PPFIA4: variants seen among roughly 807,000 people sequenced by gnomAD.
PPFIA4 encodes PPFI scaffold protein A4.
In PPFIA4, 98 loss-of-function variants were observed where a neutral mutation model predicts 145.7. That is an observed-to-expected ratio of 0.67 (90% CI 0.57 to 0.80). PPFIA4 has a LOEUF of 0.80. PPFIA4 is among the 30% of genes least tolerant of loss of function. The pLI is 0.00. For missense variants in PPFIA4, 1,457 were observed against 1,632.7 expected, an observed-to-expected ratio of 0.89 and a Z score of 1.85; for synonymous variants, 628 against 649.6, an observed-to-expected ratio of 0.97 and a Z score of 0.51.
rs752641400 is a variant in PPFIA4, at chr1:203,053,755, C to T, written c.1623C>T (p.Asp541=). 1.5e-5 allele frequency: 24 copies of T among 1,550,232 alleles called. No individual in the cohort carries two copies. The highest frequency in any genetic ancestry group is 1.5e-4 in the South Asian group (13 of 84,008). ...CTTTACCCTCCTCCTTTGCTAAGGA[C>T]TGGGAGACTTCTCCACTGCCTGGGA... The part of the protein sequence containing the change: ...YSALREESAK[D]WETSPLPGML... The change falls in exon 15 of 30, where the codon GAC becomes GAT. Residue 541 remains aspartate, a splice_region_variant and synonymous_variant. Transcript: ENST00000295706.
In PPFIA4 at chr1:203,055,718, C is replaced by T. The variant is rs1205924953; in HGVS notation, c.2070+46C>T. On this transcript the variant is annotated intron_variant, in intron 16 of 29. Transcript: ENST00000295706. This position sits in a 1 kb window ranked among gnomAD's most constrained non-coding sequence, Gnocchi z 4.8. ...AGGCCTGGCATCACTGGACCCTGCA[C>T]CGGGGGAGGTTTTAAGGGATGGTAG... is the stretch of plus-strand genomic sequence containing the variant. 2.5e-6 allele frequency: 4 copies of T among 1,606,364 alleles called. No homozygotes were observed. The highest frequency in any genetic ancestry group is 3.4e-6 in the Non-Finnish European group (4 of 1,174,366).
chr1:203,064,010 G>A lies in PPFIA4; in HGVS notation c.3050+7G>A, dbSNP rs746099836. On this transcript the variant is annotated splice_region_variant and intron_variant, in intron 25 of 29. Coordinates refer to ENST00000295706, the MANE Select transcript of PPFIA4 (RefSeq NM_001304331.2). The stretch of plus-strand genomic sequence containing the variant: ...TGGTGGACAGCTTCCATCGGTGAGC[G>A]CGGCTGGGACCCAGGGCCACCTCCC... 3.2e-5 allele frequency: 52 copies of A among 1,608,386 alleles called. No homozygotes were observed. Among genetic ancestry groups the A allele is most frequent in the South Asian group, 2.4e-4 (22 of 90,934 alleles).
Position 203,044,008 on chromosome 1 carries a change from C to G in PPFIA4, c.414C>G (p.Ala138=), listed in dbSNP as rs753407552. The G allele has an allele frequency of 6.2e-7, 1 of 1,612,048 alleles. No homozygotes were observed. The highest frequency in any genetic ancestry group is 2.2e-5 in the East Asian group (1 of 44,834). Residue 138 remains alanine (A), a synonymous_variant, in exon 4 of 30, where the codon GCC becomes GCG. Coordinates refer to ENST00000295706, the MANE Select transcript of PPFIA4 (RefSeq NM_001304331.2). ...GGATGACTGTGGTGAAGCGCCAGGC[C>G]CAGTCACCTTCGGGGGTCTCCAGTG... ...SLRMTVVKRQ[A]QSPSGVSSEV... is the part of the protein sequence containing the mutation.
intron 1 of PPFIA4, among the ~76,000 whole-genome samples, chr1:203,028,520 T>C (rs1212927823): frequency 6.6e-6 from 1 of 152,134 alleles, no homozygotes. Flanking sequence ...TTTTAAGATA[T>C]GGGCAGCTAG....
At chr1:203,035,388 C>T (rs1659165387) in intron 1 of PPFIA4, 1 of 444,578 alleles carries the variant, frequency 2.2e-6, no homozygotes, top group East Asian at 7.1e-5. Context: ...ATGCCCATCC[C>T]TCCTGTGTGT....
chr1:203,065,516 C>T (rs1033844482), intron 25 of PPFIA4, among the ~76,000 whole-genome samples: 10 of 152,114 alleles, frequency 6.6e-5, no homozygotes, highest in African/African-American at 1.4e-4. Context: ...AAATCCTCCC[C>T]GCAACCCCTC....
intron 16 of PPFIA4, 100 bp from the exon 17 acceptor site, chr1:203,056,020 G>A: frequency 8.2e-7 from 1 of 1,223,094 alleles, no homozygotes. Flanking sequence ...GTGAGGCACT[G>A]AATCCTATCT....
rs1404939808 is a variant in PPFIA4, at chr1:203,071,628, A to G, written c.3325-64A>G. On this transcript the variant is annotated intron_variant, in intron 27 of 29. Coordinates refer to ENST00000295706, the MANE Select transcript of PPFIA4 (RefSeq NM_001304331.2). Reference sequence around the variant, plus strand: ...TTGGACCCTTGGAAAATGGTGAAAGATGGCATAAAGGTAGTTAACTATAGC... The same window carrying G: ...TTGGACCCTTGGAAAATGGTGAAAGGTGGCATAAAGGTAGTTAACTATAGC... The G allele has an allele frequency of 2.3e-6, 3 of 1,301,162 alleles. No homozygotes were observed. In the East Asian group the frequency reaches 7.3e-5, roughly 31 times the overall value. 80.6% of individuals were successfully genotyped at this position (1,301,162 alleles called of 1,614,324 possible).
In PPFIA4 at chr1:203,056,156, G is replaced by C. The variant is rs761933180; in HGVS notation, c.2106+1G>C. ...AAGAAAGCATAGGAGGAAGCTGCTG[G>C]TGAGTGCTGCCTGATGGCCCAGGTA... On this transcript the variant is annotated splice_donor_variant, in intron 17 of 29. Transcript: ENST00000295706. LOFTEE classifies it high-confidence loss of function. 1 of 1,613,946 alleles carries C rather than the reference G, an allele frequency of 6.2e-7. No individual in the cohort carries two copies. The highest frequency in any genetic ancestry group is 2.2e-5 in the East Asian group (1 of 44,886).
In PPFIA4 at chr1:203,053,807, T is replaced by C. The variant is rs1360140000; in HGVS notation, c.1675T>C (p.Phe559Leu). The C allele has an allele frequency of 5.2e-6, 8 of 1,553,054 alleles. No homozygotes were observed. The Admixed American group carries it at 9.8e-5, about 19-fold the overall frequency. ...GCTGGCCCCGGCAGCTGGCCCTGCC[T>C]TTGACAGTGACCCTGAGATCTCCGA... is the stretch of plus-strand genomic sequence containing the variant. ...GMLAPAAGPA[F>L]DSDPEISDVD... Residue 559 changes from phenylalanine (F) to leucine (L), a missense_variant, in exon 15 of 30, where the codon TTT becomes CTT. By Grantham distance (22) the Phe-to-Leu change is conservative. Coordinates refer to ENST00000295706, the MANE Select transcript of PPFIA4 (RefSeq NM_001304331.2).
chr1:203,064,105 T>C (rs2102680276), intron 25 of PPFIA4, 102 bp downstream of exon 25: 1 of 1,328,634 alleles, frequency 7.5e-7, no homozygotes, highest in South Asian at 1.4e-5. Context: ...CTTTCCGTGG[T>C]CTGTTCTGAG....
chr1:203,032,118 A>G (rs1354766908), intron 1 of PPFIA4, among the ~76,000 whole-genome samples: 2 of 151,260 alleles, frequency 1.3e-5, no homozygotes, highest in East Asian at 3.9e-4. Flanking sequence ...GGGATTTTCT[A>G]ACCTCTTCAT....
chr1:203,061,576 A>G lies in PPFIA4; in HGVS notation c.2848-76A>G, dbSNP rs1191231050. On this transcript the variant is annotated intron_variant, in intron 23 of 29. Coordinates refer to ENST00000295706, the MANE Select transcript of PPFIA4 (RefSeq NM_001304331.2). ...CTGGGATGTCTTTTTCCTCTCCTTGATGGGGCCTAGGGTAGAGCTGATGGG... is the reference window on the plus strand; with the variant it reads ...CTGGGATGTCTTTTTCCTCTCCTTGGTGGGGCCTAGGGTAGAGCTGATGGG... 2.1e-6 allele frequency: 3 copies of G among 1,426,600 alleles called. No homozygotes were observed. In the Admixed American group the frequency reaches 7.8e-5, roughly 37 times the overall value. The allele number at this position is 1,426,600 out of a possible 1,614,324, so 88.4% of individuals were successfully genotyped here. A position where few individuals can be genotyped will look rare whatever the true frequency, so the allele number is the denominator to read the frequency against.
At chr1:203,045,773 G>A (rs1660037213) in intron 7 of PPFIA4, 68 bp from the exon 8 acceptor site, 10 of 1,605,252 alleles carry the variant, frequency 6.2e-6, no homozygotes, top group South Asian at 4.4e-5. Context: ...GGTGTGGGTG[G>A]GGAGGTGTAG....
At chr1:203,071,238 C>T (rs1397251284) in intron 27 of PPFIA4, among the ~76,000 whole-genome samples, 10 of 143,166 alleles carry the variant, frequency 7.0e-5, no homozygotes, top group Admixed American at 6.6e-4. Context: ...AGTGCCATTT[C>T]GGCTCACTGC....
chr1:203,032,505 T>C (rs1448056984), intron 1 of PPFIA4, among the ~76,000 whole-genome samples: 1 of 151,420 alleles, frequency 6.6e-6, no homozygotes, highest in East Asian at 1.9e-4. Flanking sequence ...GATCTTGGCT[T>C]ACTGCAGCCT....
In PPFIA4 at chr1:203,037,187, T is replaced by C. The variant is rs183961958; in HGVS notation, c.-399-1423T>C. On this transcript the variant is annotated intron_variant, in intron 1 of 29. Transcript: ENST00000295706. ...GTTTCTGCCTAGAGCATCAGTACTC[T>C]GGGGAGGGGGTCCAGGTAGGAGAGG... 2.9e-5 allele frequency: 11 copies of C among 378,906 alleles called. No homozygotes were observed. The East Asian group carries it at 1.1e-3, about 37-fold the overall frequency. 23.5% of individuals were successfully genotyped at this position (378,906 alleles called of 1,614,324 possible).
At position 203,048,173 on chromosome 1, in the gene PPFIA4, C is replaced by T; in HGVS notation, c.1141-54C>T. On this transcript the variant is annotated intron_variant, in intron 9 of 29. Coordinates refer to ENST00000295706, the MANE Select transcript of PPFIA4 (RefSeq NM_001304331.2). The surrounding 1 kb of genome is among the most constrained non-coding windows in gnomAD (Gnocchi z 5.8). Reference sequence around the variant, plus strand: ...CACCAGGGTGCAGGGGATGCGGGGCCTGAGCAGGAAGAACAGAGATCTGCG... The same window carrying T: ...CACCAGGGTGCAGGGGATGCGGGGCTTGAGCAGGAAGAACAGAGATCTGCG... 1 of 1,572,816 alleles carries T rather than the reference C, an allele frequency of 6.4e-7. No homozygotes were observed. The highest frequency in any genetic ancestry group is 8.7e-7 in the Non-Finnish European group (1 of 1,147,948).
In PPFIA4 at chr1:203,060,086, G is replaced by A; in HGVS notation, c.2584-131G>A. 7 of 892,252 alleles carry A rather than the reference G, an allele frequency of 7.8e-6. No individual in the cohort carries two copies. The highest frequency in any genetic ancestry group is 3.3e-5 in the South Asian group (2 of 61,106). The allele number at this position is 892,252 out of a possible 1,614,324, so 55.3% of individuals were successfully genotyped here. A position where few individuals can be genotyped will look rare whatever the true frequency, so the allele number is the denominator to read the frequency against. The stretch of plus-strand genomic sequence containing the variant: ...TGGGAGAGTGAGGGGTTTGATGACC[G>A]CCACATTCCTATGATCTGTATTTGC... On this transcript the variant is annotated intron_variant, in intron 21 of 29. Coordinates refer to ENST00000295706, the MANE Select transcript of PPFIA4 (RefSeq NM_001304331.2). This position sits in a 1 kb window ranked among gnomAD's most constrained non-coding sequence, Gnocchi z 4.8.
Sources: allele counts gnomAD v4.1 joint callset (sites outside exome capture counted in the v4.1 genomes callset), GRCh38; gene constraint gnomAD v4.1.1; non-coding constraint Gnocchi (gnomAD v3.1); transcripts MANE v1.5; gene names NCBI Gene and HGNC (gene_info 2026-07-23, HGNC 2026-07-21).